ADAMTS17: variants seen among roughly 807,000 people sequenced by gnomAD.
ADAMTS17 encodes ADAM metallopeptidase with thrombospondin type 1 motif 17.
A neutral mutation model predicts 141.5 loss-of-function variants in ADAMTS17; 113 were observed. The ratio of observed to expected loss-of-function variants is 0.80; its 90% CI spans 0.69 to 0.93. The LOEUF (loss-of-function observed/expected upper bound fraction) is 0.93. Ranked by LOEUF, ADAMTS17 falls within the 40% of genes least tolerant of loss-of-function variation. The pLI is 0.00. For synonymous variants in ADAMTS17, 768 were observed against 630.6 expected (o/e 1.22, Z -3.27); for missense variants, 1,659 against 1,517.9 (o/e 1.09, Z -1.54).
chr15:100,252,976 C>G (rs915051822), intron 7 of ADAMTS17, among the ~76,000 whole-genome samples: 4 of 152,104 alleles, frequency 2.6e-5, no homozygotes, highest in African/African-American at 7.2e-5. Flanking sequence ...CCAGCTGGCA[C>G]GTGGCAGAGC....
In ADAMTS17 at chr15:100,262,294, A is replaced by G. The variant is rs4965297; in HGVS notation, c.873+58T>C. The G allele has an allele frequency of 0.68, 1,017,161 of 1,504,028 alleles. 345,076 individuals are homozygous for G. Among genetic ancestry groups the G allele is most frequent in the South Asian group, 0.73 (64,711 of 88,194 alleles). 93.2% of individuals were successfully genotyped at this position (1,504,028 alleles called of 1,614,324 possible). ...CCCGCTTAGCATTCAACAGCAGTTGAGAAGCTCCAGCCCAGCCACATTTTC... is the reference window on the plus strand; with the variant it reads ...CCCGCTTAGCATTCAACAGCAGTTGGGAAGCTCCAGCCCAGCCACATTTTC... On this transcript the variant is annotated intron_variant, in intron 5 of 21. Transcript: ENST00000268070.
intron 14 of ADAMTS17, among the ~76,000 whole-genome samples, chr15:100,104,692 T>C (rs1596444817): frequency 6.6e-6 from 1 of 152,330 alleles, no homozygotes. Flanking sequence ...GGGTGATTTG[T>C]ATGTTTAATC....
In ADAMTS17 at chr15:100,152,766, A is replaced by C. The variant is rs758083185; in HGVS notation, c.1323-4T>G. On this transcript the variant is annotated splice_polypyrimidine_tract_variant and splice_region_variant and intron_variant, in intron 9 of 21. Transcript: ENST00000268070. ...CAAGCAGGTGCTGACTTTTGACCTG[A>C]AACAGCCGAGAGGCAAGTTGACTTG... 1.9e-6 allele frequency: 3 copies of C among 1,613,846 alleles called. No homozygotes were observed. Among genetic ancestry groups the C allele is most frequent in the African/African-American group, 1.3e-5 (1 of 74,854 alleles).
chr15:100,152,797 G>C (rs201808227), intron 9 of ADAMTS17, 35 bp from the exon 10 acceptor site: 25 of 1,612,648 alleles, frequency 1.6e-5, no homozygotes, highest in Admixed American at 5.0e-5. Flanking sequence ...ACTTGCAAAT[G>C]TACTGCCTAG....
chr15:100,193,628 C>T (rs911639731), intron 8 of ADAMTS17, among the ~76,000 whole-genome samples: 10 of 152,298 alleles, frequency 6.6e-5, no homozygotes, highest in African/African-American at 2.4e-4. Flanking sequence ...GTGAGCGCAT[C>T]GGTCAACAGT....
At chr15:100,286,054 G>A (rs2142099926) in intron 3 of ADAMTS17, among the ~76,000 whole-genome samples, 1 of 152,212 alleles carries the variant, frequency 6.6e-6, no homozygotes, top group East Asian at 1.9e-4. Context: ...GCTCCTTCAT[G>A]GGCAGATGGC....
chr15:100,154,035 T>G lies in ADAMTS17; in HGVS notation c.1322+1145A>C, dbSNP rs554680052. Among the ~76,000 whole-genome samples, 47 of 152,116 alleles carry G rather than the reference T, an allele frequency of 3.1e-4. 1 individual carries two copies. The Middle Eastern group carries it at 0.01, about 33-fold the overall frequency. On this transcript the variant is annotated intron_variant, in intron 9 of 21. Coordinates refer to ENST00000268070, the MANE Select transcript of ADAMTS17 (RefSeq NM_139057.4). The stretch of plus-strand genomic sequence containing the variant: ...ATCTCTACTAAAAATACAAAAATTA[T>G]CCGGGTGTGGTGGCACGTGCCGGTA...
intron 8 of ADAMTS17, among the ~76,000 whole-genome samples, chr15:100,175,690 G>A (rs1006986892): frequency 6.6e-5 from 10 of 151,688 alleles, no homozygotes; most frequent in Non-Finnish European, 1.0e-4. Flanking sequence ...CCACCAGCTC[G>A]TTCTCAGCCT....
chr15:100,194,873 C>G (rs1369881823), intron 8 of ADAMTS17, among the ~76,000 whole-genome samples: 2 of 152,148 alleles, frequency 1.3e-5, no homozygotes, highest in Non-Finnish European at 2.9e-5. Flanking sequence ...GTAAAAGATG[C>G]CTGTTGTAGC....
intron 7 of ADAMTS17, among the ~76,000 whole-genome samples, chr15:100,249,430 T>C (rs1401730307): frequency 1.3e-5 from 2 of 152,168 alleles, no homozygotes; most frequent in African/African-American, 4.8e-5. Flanking sequence ...TTGCCTCTCC[T>C]ATGGAAGCCC....
At chr15:99,994,493 G>C (rs941747656) in intron 19 of ADAMTS17, among the ~76,000 whole-genome samples, 1 of 150,966 alleles carries the variant, frequency 6.6e-6, no homozygotes, top group African/African-American at 2.4e-5. Context: ...CTGGAAAAAA[G>C]GTACATAAAG....
chr15:100,287,106 T>C (rs959196985), intron 3 of ADAMTS17, among the ~76,000 whole-genome samples: 4 of 152,104 alleles, frequency 2.6e-5, no homozygotes, highest in Non-Finnish European at 5.9e-5. Context: ...GAGAATCACT[T>C]GAACCCAGGA....
intron 18 of ADAMTS17, among the ~76,000 whole-genome samples, chr15:100,021,322 C>A (rs1047605218): frequency 2.0e-5 from 3 of 152,086 alleles, no homozygotes; most frequent in African/African-American, 7.2e-5. Context: ...AGGATCTGGG[C>A]GTCATCTTGG....
intron 18 of ADAMTS17, among the ~76,000 whole-genome samples, chr15:100,021,892 A>G (rs1341106172): frequency 6.6e-6 from 1 of 151,858 alleles, no homozygotes; most frequent in Non-Finnish European, 1.5e-5. Flanking sequence ...CGGTTGGCCA[A>G]TGTCAAGCGC....
chr15:100,219,598 C>A (rs74037563), intron 7 of ADAMTS17, among the ~76,000 whole-genome samples: 21,895 of 152,172 alleles, frequency 0.14, 1,659 homozygotes, highest in Admixed American at 0.17. Context: ...TCGAGGCAAA[C>A]TGCCTCCTAA....
At chr15:100,265,317 T>C (rs1440510978) in intron 4 of ADAMTS17, among the ~76,000 whole-genome samples, 2 of 152,226 alleles carry the variant, frequency 1.3e-5, no homozygotes, top group African/African-American at 4.8e-5. Flanking sequence ...TCTTCTTTTT[T>C]TTCCCATGGA....
Position 100,205,371 on chromosome 15 carries a change from C to T in ADAMTS17, c.1076-5948G>A, listed in dbSNP as rs149406941. Among the ~76,000 whole-genome samples, 80 of 152,158 alleles carry T rather than the reference C, an allele frequency of 5.3e-4. No homozygotes were observed. In the East Asian group the frequency reaches 6.2e-3, roughly 12 times the overall value. ...TTTGCTGCTAGAAACCAAAACATGC[C>T]GGGAGAGGGGAAGGAAAGAGAAACG... On this transcript the variant is annotated intron_variant, in intron 7 of 21. Transcript: ENST00000268070.
At chr15:100,221,193 TTAAA>T (rs2042123103) in intron 7 of ADAMTS17, among the ~76,000 whole-genome samples, 1 of 152,070 alleles carries the variant, frequency 6.6e-6, no homozygotes, top group Non-Finnish European at 1.5e-5. Context: ...ATCTTCTCAA[TTAAA>T]TAACACAATT....
intron 12 of ADAMTS17, among the ~76,000 whole-genome samples, chr15:100,131,480 C>T (rs2038042362): frequency 6.6e-6 from 1 of 151,324 alleles, no homozygotes; most frequent in African/African-American, 2.4e-5. Context: ...AACAAATGTA[C>T]AAAGGTGAAC....
Sources: allele counts gnomAD v4.1 joint callset (sites outside exome capture counted in the v4.1 genomes callset), GRCh38; gene constraint gnomAD v4.1.1; transcripts MANE v1.5; gene names NCBI Gene and HGNC (gene_info 2026-07-23, HGNC 2026-07-21).